ZNF436: variants seen among roughly 807,000 people sequenced by gnomAD.
ZNF436 encodes the protein DNA-binding protein.
Under a neutral mutation model 41.9 loss-of-function variants are expected in ZNF436, and 22 were observed. The ratio of observed to expected loss-of-function variants is 0.53; its 90% CI spans 0.38 to 0.75. ZNF436 has a LOEUF of 0.75. Among genes scored for constraint, ZNF436 ranks in the 30% least tolerant of loss-of-function variants. ZNF436 has a pLI of 0.00. For missense variants in ZNF436, 506 were observed against 587.3 expected, an observed-to-expected ratio of 0.86 and a Z score of 1.43; for synonymous variants, 217 against 197.8, an observed-to-expected ratio of 1.10 and a Z score of -0.82.
rs775604848 is a variant in ZNF436, at chr1:23,367,984, C to T, written c.22G>A (p.Ala8Thr). MAATLLMAGSQAPVTFED... is the reference protein window; with the variant it reads MAATLLMTGSQAPVTFED... ...CACCTCCGGCTTACCTGGGACCCAG[C>T]CATGAGCAGGGTGGCTGCCATCTCG... The change falls in exon 2 of 4, where the codon GCT becomes ACT. Residue 8 changes from alanine (A) to threonine (T), a missense_variant. By Grantham distance (58) the Ala-to-Thr change is moderately conservative. Coordinates refer to ENST00000314011, the MANE Select transcript of ZNF436 (RefSeq NM_001077195.2). 9 of 1,614,020 alleles carry T rather than the reference C, an allele frequency of 5.6e-6. No individual in the cohort carries two copies. The Admixed American group carries it at 8.3e-5, about 15-fold the overall frequency.
Position 23,363,128 on chromosome 1 carries a change from T to C in ZNF436, c.254A>G (p.Asn85Ser). The C allele has an allele frequency of 1.2e-6, 2 of 1,614,220 alleles. No homozygotes were observed. The highest frequency in any genetic ancestry group is 8.5e-7 in the Non-Finnish European group (1 of 1,180,040). Residue 85 changes from asparagine to serine, a missense_variant, in exon 4 of 4, where the codon AAT (asparagine) becomes AGT (serine). Coordinates refer to ENST00000314011, the MANE Select transcript of ZNF436 (RefSeq NM_001077195.2). ...TTCACTTTCAGGATTTTCCTCAGCA[T>C]TCTCAGCAGGTCTTTCAGATGTAGT... The part of the protein sequence containing the change: ...FGTTSERPAE[N>S]AEENPESEEG...
At chr1:23,368,841 G>T (rs1031101719) in intron 1 of ZNF436, among the ~76,000 whole-genome samples, 8 of 152,214 alleles carry the variant, frequency 5.3e-5, no homozygotes, top group African/African-American at 9.6e-5. Context: ...CTCCCCAGGG[G>T]AGACTCGGAG....
At chr1:23,368,124 G>A in intron 1 of ZNF436, 59 bp from the exon 2 acceptor site, 2 of 1,187,288 alleles carry the variant, frequency 1.7e-6, no homozygotes, top group East Asian at 2.5e-5. Flanking sequence ...CCACTCCCCA[G>A]GGCTGGAGTT....
At position 23,367,079 on chromosome 1, in the gene ZNF436, A is replaced by C; in HGVS notation, c.123T>G (p.Asp41Glu). The C allele has an allele frequency of 6.2e-7, 1 of 1,613,958 alleles. No homozygotes were observed. Among genetic ancestry groups the C allele is most frequent in the Non-Finnish European group, 8.5e-7 (1 of 1,179,918 alleles). Reference protein sequence around the residue: ...LDAAQRDLYRDVMQENYGNVV... With the variant: ...LDAAQRDLYREVMQENYGNVV... ...CATTTCCATAATTCTCCTGCATAAC[A>C]TCCCGGTAAAGGTCCCTCTGTGCAG... is the stretch of plus-strand genomic sequence containing the variant. Residue 41 changes from aspartate (D) to glutamate (E), a missense_variant, in exon 3 of 4, where the codon GAT (aspartate) becomes GAG (glutamate). By Grantham distance (45) the Asp-to-Glu change is conservative. Transcript: ENST00000314011.
At chr1:23,368,634 GC>G (rs1638420467) in intron 1 of ZNF436, among the ~76,000 whole-genome samples, 1 of 152,236 alleles carries the variant, frequency 6.6e-6, no homozygotes, top group Non-Finnish European at 1.5e-5. Context: ...GAGTATTCTC[GC>G]TTTTTTCTTA....
chr1:23,364,731 G>C (rs199652043), intron 3 of ZNF436, among the ~76,000 whole-genome samples: 1 of 152,208 alleles, frequency 6.6e-6, no homozygotes, highest in Non-Finnish European at 1.5e-5. Flanking sequence ...TTCACATGCA[G>C]TCTTCAAATG....
Position 23,362,367 on chromosome 1 carries a change from A to G in ZNF436, c.1015T>C (p.Cys339Arg). The change falls in exon 4 of 4, where the codon TGT becomes CGT. Residue 339 changes from cysteine (C) to arginine (R), a missense_variant. Transcript: ENST00000314011. ...GAGATGCGGCTGAAATTTTCCCCAC[A>G]TTCGTTACAGTGGTATGGCTTCTCT... ...TGEKPYHCNE[C>R]GENFSRISHL... 2 of 1,613,890 alleles carry G rather than the reference A, an allele frequency of 1.2e-6. No individual in the cohort carries two copies. Among genetic ancestry groups the G allele is most frequent in the Non-Finnish European group, 1.7e-6 (2 of 1,179,996 alleles).
chr1:23,364,233 T>G (rs71638885), intron 3 of ZNF436, among the ~76,000 whole-genome samples: 1 of 152,200 alleles, frequency 6.6e-6, no homozygotes, highest in Non-Finnish European at 1.5e-5. Flanking sequence ...TTTGTTTGTT[T>G]GTTTGTTTTG....
At chr1:23,364,462 T>G (rs1222694075) in intron 3 of ZNF436, among the ~76,000 whole-genome samples, 1 of 152,192 alleles carries the variant, frequency 6.6e-6, no homozygotes, top group African/African-American at 2.4e-5. Flanking sequence ...GGTCTTGAAC[T>G]CCTGATCTCA....
At position 23,369,667 on chromosome 1, in the gene ZNF436, A is replaced by G. The variant is rs1431080674; in HGVS notation, c.-362T>C. 2.1e-6 allele frequency: 1 copy of G among 473,832 alleles called. No homozygotes were observed. The highest frequency in any genetic ancestry group is 4.5e-6 in the Non-Finnish European group (1 of 224,026). The allele number at this position is 473,832 out of a possible 1,614,324, so 29.4% of individuals were successfully genotyped here. Reference sequence around the variant, plus strand: ...GACCACAGAGGCTGGCCGAGAAACCACCAGCAACTAAGCTGCATTCAGCTG... The same window carrying G: ...GACCACAGAGGCTGGCCGAGAAACCGCCAGCAACTAAGCTGCATTCAGCTG... On this transcript the variant is annotated 5_prime_UTR_variant, in exon 1 of 4. Coordinates refer to ENST00000314011, the MANE Select transcript of ZNF436 (RefSeq NM_001077195.2).
At chr1:23,366,004 G>A (rs554036575) in intron 3 of ZNF436, among the ~76,000 whole-genome samples, 17 of 151,536 alleles carry the variant, frequency 1.1e-4, no homozygotes, top group African/African-American at 3.6e-4. Context: ...GTTTTTTGGC[G>A]CTTTCATCCT....
rs1237148725 is a variant in ZNF436 at position 23,368,155 on chromosome 1, G to A, written c.-60-90C>T. 28 of 848,920 alleles carry A rather than the reference G, an allele frequency of 3.3e-5. No individual in the cohort carries two copies. In the South Asian group the frequency reaches 4.3e-4, roughly 13 times the overall value. The allele number at this position is 848,920 out of a possible 1,614,324, so 52.6% of individuals were successfully genotyped here. A position where few individuals can be genotyped will look rare whatever the true frequency, so the allele number is the denominator to read the frequency against. On this transcript the variant is annotated intron_variant, in intron 1 of 3. Transcript: ENST00000314011. ...GAGTTCTGGCCCCAAGGCGGGCAGG[G>A]AGGGCCCTGGACCAGGGCCGGGTCA...
intron 2 of ZNF436, 66 bp downstream of exon 2, chr1:23,367,907 G>C: frequency 6.3e-7 from 1 of 1,576,856 alleles, no homozygotes; most frequent in South Asian, 1.1e-5. Flanking sequence ...GGGACTTGCA[G>C]AGCAGAGAAA....
chr1:23,364,805 T>C (rs979858925), intron 3 of ZNF436, among the ~76,000 whole-genome samples: 1 of 152,316 alleles, frequency 6.6e-6, no homozygotes, highest in South Asian at 2.1e-4. Flanking sequence ...TTCTCCAAAT[T>C]GGGTTTCTTA....
chr1:23,362,069 C>G lies in ZNF436; in HGVS notation c.1313G>C (p.Arg438Thr). 6.2e-7 allele frequency: 1 copy of G among 1,614,206 alleles called. No individual in the cohort carries two copies. The highest frequency in any genetic ancestry group is 8.5e-7 in the Non-Finnish European group (1 of 1,180,052). ...ATAAGGTTTCTCTCCCGTGTGAACT[C>G]TTTGATGTGTGATGAGGTTGGAGCT... Reference protein sequence around the residue: ...TQSSNLITHQRVHTGEKPYEC... With the variant: ...TQSSNLITHQTVHTGEKPYEC... The change falls in exon 4 of 4, where the codon AGA becomes ACA. Residue 438 changes from arginine to threonine, a missense_variant. Coordinates refer to ENST00000314011, the MANE Select transcript of ZNF436 (RefSeq NM_001077195.2).
intron 3 of ZNF436, among the ~76,000 whole-genome samples, chr1:23,366,718 T>C (rs780732172): frequency 2.8e-4 from 43 of 152,222 alleles, no homozygotes; most frequent in Non-Finnish European, 6.2e-4. Flanking sequence ...GTAAAAGCAC[T>C]AGTTACGGGG....
chr1:23,363,293 A>AT (rs35676026), intron 3 of ZNF436, 72 bp from the exon 4 acceptor site: 59,390 of 1,054,258 alleles, frequency 0.056, no homozygotes, highest in Non-Finnish European at 0.063. Context: ...ACTATACTAA[A>AT]TTTTTTTTTT....
At chr1:23,364,411 G>T (rs1294029642) in intron 3 of ZNF436, among the ~76,000 whole-genome samples, 2 of 152,086 alleles carry the variant, frequency 1.3e-5, no homozygotes, top group Non-Finnish European at 2.9e-5. Flanking sequence ...CTATTTTCTT[G>T]TATTTTTAGT....
At chr1:23,363,452 C>A (rs1164958682) in intron 3 of ZNF436, among the ~76,000 whole-genome samples, 3 of 152,060 alleles carry the variant, frequency 2.0e-5, no homozygotes, top group Admixed American at 1.3e-4. Flanking sequence ...CCATGCCCGG[C>A]TAATTTTTTT....
Sources: allele counts gnomAD v4.1 joint callset (sites outside exome capture counted in the v4.1 genomes callset), GRCh38; gene constraint gnomAD v4.1.1; transcripts MANE v1.5; gene names NCBI Gene and HGNC (gene_info 2026-07-23, HGNC 2026-07-21).